The following PPIL1 variants were observed in gnomAD, a reference collection of about 807,000 sequenced individuals.
PPIL1 encodes peptidylprolyl isomerase like 1.
Under a neutral mutation model 19.4 loss-of-function variants are expected in PPIL1, and 14 were observed. The observed-to-expected ratio is 0.72, with a 90% CI of 0.48 to 1.13. The LOEUF is 1.13. Ranked by LOEUF, PPIL1 falls within the 50% of genes most tolerant of loss-of-function variation. PPIL1 has a pLI of 0.00. For missense variants in PPIL1, 192 were observed against 218.0 expected (o/e 0.88, Z 0.75); for synonymous variants, 72 against 73.6 (o/e 0.98, Z 0.11).
chr6:36,864,163 C>G (rs963675295), intron 2 of PPIL1, among the ~76,000 whole-genome samples: 1 of 152,028 alleles, frequency 6.6e-6, no homozygotes, highest in Non-Finnish European at 1.5e-5. Context: ...TTGCCTCCCT[C>G]TTTCCCCACC....
intron 3 of PPIL1, 29 bp from the exon 4 acceptor site, chr6:36,856,062 G>A: frequency 3.7e-6 from 6 of 1,600,644 alleles, no homozygotes; most frequent in Non-Finnish European, 5.1e-6. Flanking sequence ...AAAGGAAAGA[G>A]TATAAATAAC....
At chr6:36,862,035 C>T (rs1172036467) in intron 2 of PPIL1, among the ~76,000 whole-genome samples, 1 of 152,190 alleles carries the variant, frequency 6.6e-6, no homozygotes, top group Non-Finnish European at 1.5e-5. Flanking sequence ...AAACCCTTTT[C>T]TCATCCCTGT....
intron 2 of PPIL1, among the ~76,000 whole-genome samples, chr6:36,870,932 T>A (rs1774496993): frequency 6.6e-6 from 1 of 152,172 alleles, no homozygotes; most frequent in African/African-American, 2.4e-5. Flanking sequence ...CCTAGAGTGA[T>A]CCTTTTAAAG....
Position 36,855,718 on chromosome 6 carries a change from G to C in PPIL1, c.*95C>G, listed in dbSNP as rs1230925525. 6.0e-6 allele frequency: 8 copies of C among 1,337,086 alleles called. No homozygotes were observed. Among genetic ancestry groups the C allele is most frequent in the Admixed American group, 1.9e-5 (1 of 52,888 alleles). 82.8% of individuals were successfully genotyped at this position (1,337,086 alleles called of 1,614,324 possible). A position where few individuals can be genotyped will look rare whatever the true frequency, so the allele number is the denominator to read the frequency against. ...CCTCCTAAGCTTCATGACTTGCAAA[G>C]CCAAAATGAATTTAGCATTACATGT... On this transcript the variant is annotated 3_prime_UTR_variant, in exon 4 of 4. Transcript: ENST00000373699.
At chr6:36,869,279 G>A (rs577247569) in intron 2 of PPIL1, among the ~76,000 whole-genome samples, 23 of 152,244 alleles carry the variant, frequency 1.5e-4, no homozygotes, top group Non-Finnish European at 2.8e-4. Flanking sequence ...CACCATGCCT[G>A]GCCTAAAAAA....
intron 2 of PPIL1, among the ~76,000 whole-genome samples, chr6:36,866,142 G>A (rs1774389935): frequency 6.6e-6 from 1 of 152,178 alleles, no homozygotes; most frequent in South Asian, 2.1e-4. Flanking sequence ...ACAAATAAAA[G>A]ACACTCAGAG....
chr6:36,855,608 C>T lies in PPIL1; in HGVS notation c.*205G>A. On this transcript the variant is annotated 3_prime_UTR_variant, in exon 4 of 4. Coordinates refer to ENST00000373699, the MANE Select transcript of PPIL1 (RefSeq NM_016059.5). ...ATAAACAGGGGCATTTGTGCAAATG[C>T]TCTGGCAACCTAGGCACTGGGGGAA... The T allele has an allele frequency of 3.4e-6, 2 of 590,324 alleles. No homozygotes were observed. The highest frequency in any genetic ancestry group is 6.0e-6 in the Non-Finnish European group (2 of 332,924). The allele number at this position is 590,324 out of a possible 1,614,324, so 36.6% of individuals were successfully genotyped here.
chr6:36,862,537 T>C (rs1774311998), intron 2 of PPIL1, among the ~76,000 whole-genome samples: 3 of 152,226 alleles, frequency 2.0e-5, no homozygotes, highest in Non-Finnish European at 4.4e-5. Context: ...TCTTTTGTCC[T>C]TCATCTACAG....
chr6:36,869,224 C>CCCT (rs1774459124), intron 2 of PPIL1, among the ~76,000 whole-genome samples: 1 of 152,142 alleles, frequency 6.6e-6, no homozygotes, highest in African/African-American at 2.4e-5. Flanking sequence ...ACTCAAGTGA[C>CCCT]CCTCCCGCCT....
At chr6:36,868,513 T>C (rs1031736066) in intron 2 of PPIL1, among the ~76,000 whole-genome samples, 4 of 152,172 alleles carry the variant, frequency 2.6e-5, no homozygotes, top group Non-Finnish European at 5.9e-5. Flanking sequence ...GGAGTAAATC[T>C]GGCCTCAGTA....
chr6:36,861,845 C>T (rs1215522804), intron 2 of PPIL1, among the ~76,000 whole-genome samples: 5 of 151,964 alleles, frequency 3.3e-5, no homozygotes, highest in East Asian at 1.9e-4. Context: ...TACAGGCATG[C>T]GCCACCATGC....
chr6:36,868,866 A>C (rs1373280474), intron 2 of PPIL1, among the ~76,000 whole-genome samples: 3 of 150,272 alleles, frequency 2.0e-5, no homozygotes, highest in African/African-American at 7.3e-5. Context: ...ACAACAACAA[A>C]AACAAACAAC....
rs551785530 is a variant in PPIL1 at position 36,857,486 on chromosome 6, A to AT, written c.212-833dup. Among the ~76,000 whole-genome samples, 971 of 147,184 alleles carry AT rather than the reference A, an allele frequency of 6.6e-3. 8 individuals are homozygous for AT. The highest frequency in any genetic ancestry group is 0.018 in the African/African-American group (717 of 40,326). ...ACAGAGCGAGACCCTGACTCCATAA[A>AT]TTTTTTTTTTTTAGAGATGGGGTCT... On this transcript the variant is annotated intron_variant, in intron 2 of 3. Coordinates refer to ENST00000373699, the MANE Select transcript of PPIL1 (RefSeq NM_016059.5).
chr6:36,859,539 C>A (rs950373261), intron 2 of PPIL1, among the ~76,000 whole-genome samples: 1 of 151,780 alleles, frequency 6.6e-6, no homozygotes, highest in Non-Finnish European at 1.5e-5. Flanking sequence ...ATATCTTACT[C>A]ATAATATGTT....
intron 2 of PPIL1, among the ~76,000 whole-genome samples, chr6:36,859,472 G>A (rs1774235198): frequency 6.6e-6 from 1 of 150,552 alleles, no homozygotes; most frequent in South Asian, 2.1e-4. Flanking sequence ...GGGAATCAGA[G>A]GATACAGGAG....
intron 2 of PPIL1, among the ~76,000 whole-genome samples, chr6:36,861,987 T>C (rs35168332): frequency 0.2 from 30,501 of 152,068 alleles, 3,320 homozygotes; most frequent in East Asian, 0.28. Context: ...TGAGCCACTG[T>C]GCCTGGCCTG....
intron 2 of PPIL1, among the ~76,000 whole-genome samples, chr6:36,870,507 T>C (rs146403351): frequency 1.4e-3 from 215 of 152,324 alleles, no homozygotes; most frequent in African/African-American, 4.9e-3. Flanking sequence ...TGAACATGTA[T>C]AGAACTATTT....
rs568846472 is a variant in PPIL1 at position 36,856,654 on chromosome 6, C to T, written c.212G>A (p.Gly71Asp). 4 of 1,613,942 alleles carry T rather than the reference C, an allele frequency of 2.5e-6. No homozygotes were observed. Among genetic ancestry groups the T allele is most frequent in the East Asian group, 2.2e-5 (1 of 44,892 alleles). ...MIQGGDPTGTGRGGASIYGKQ... is the reference protein window; with the variant it reads ...MIQGGDPTGTDRGGASIYGKQ... ...GCCATAGATAGATGCACCACCTCGA[C>T]CTGCCCGATTGGAAGATGACACATG... The change falls in exon 3 of 4, where the codon GGT (glycine) becomes GAT (aspartate). Residue 71 changes from glycine (G) to aspartate (D), a missense_variant and splice_region_variant. Coordinates refer to ENST00000373699, the MANE Select transcript of PPIL1 (RefSeq NM_016059.5).
Position 36,856,623 on chromosome 6 carries a change from C to G in PPIL1, c.243G>C (p.Gln81His), listed in dbSNP as rs2071823. The G allele has an allele frequency of 1.2e-6, 2 of 1,613,936 alleles. No individual in the cohort carries two copies. The highest frequency in any genetic ancestry group is 3.3e-5 in the Admixed American group (2 of 60,012). Residue 81 changes from glutamine to histidine, a missense_variant, in exon 3 of 4, where the codon CAG (glutamine) becomes CAC (histidine). Physicochemically the swap from Gln to His is conservative, Grantham distance 24. Transcript: ENST00000373699. Reference protein sequence around the residue: ...GRGGASIYGKQFEDELHPDLK... With the variant: ...GRGGASIYGKHFEDELHPDLK... ...AGTCTGGATGAAGTTCATCTTCAAA[C>G]TGTTTGCCATAGATAGATGCACCAC...
Sources: gnomAD v4.1 joint callset for allele counts (sites outside exome capture counted in the v4.1 genomes callset) on GRCh38, gnomAD v4.1.1 for gene constraint, MANE v1.5 for transcripts, NCBI Gene and HGNC (gene_info 2026-07-23, HGNC 2026-07-21) for gene names.